Variants in RB1 observed in about 807,000 individuals in gnomAD.
The protein encoded by RB1 is retinoblastoma-associated protein.
In RB1, 18 loss-of-function variants were observed where a neutral mutation model predicts 135.4. The observed-to-expected ratio is 0.13, with a 90% CI of 0.09 to 0.20. The LOEUF is 0.20. Among genes scored for constraint, RB1 ranks in the 10% least tolerant of loss-of-function variants. RB1 has a pLI of 1.00. For missense variants in RB1, 868 were observed against 1,110.0 expected (o/e 0.78, Z 3.10); for synonymous variants, 365 against 373.2 (o/e 0.98, Z 0.25).
intron 26 of RB1, 59 bp from the exon 27 acceptor site, chr13:48,479,939 C>A (rs1949527598): frequency 1.2e-5 from 17 of 1,382,812 alleles, no homozygotes; most frequent in Non-Finnish European, 1.7e-5. Flanking sequence ...ATATGGCAGC[C>A]ACTTGCCAAC....
intron 17 of RB1, among the ~76,000 whole-genome samples, chr13:48,450,428 C>T (rs527590004): frequency 1.3e-5 from 2 of 152,052 alleles, no homozygotes; most frequent in Non-Finnish European, 1.5e-5. Context: ...AATGCTTTCT[C>T]CATTGCTTGT....
chr13:48,330,713 A>G (rs570076540), intron 2 of RB1, among the ~76,000 whole-genome samples: 1 of 152,332 alleles, frequency 6.6e-6, no homozygotes, highest in South Asian at 2.1e-4. Flanking sequence ...TTCACTGGTG[A>G]ATTCTACCAG....
intron 2 of RB1, among the ~76,000 whole-genome samples, chr13:48,311,070 C>T (rs962491078): frequency 6.6e-6 from 1 of 152,050 alleles, no homozygotes; most frequent in Non-Finnish European, 1.5e-5. Context: ...TGCCTTGGAC[C>T]TCAAGGCAGG....
intron 17 of RB1, among the ~76,000 whole-genome samples, chr13:48,414,997 T>G (rs1405314971): frequency 6.6e-6 from 1 of 152,172 alleles, no homozygotes; most frequent in Non-Finnish European, 1.5e-5. Flanking sequence ...ACTGTTATTT[T>G]TTTTTTATTT....
intron 17 of RB1, chr13:48,391,306 C>G (rs1161057711): frequency 6.6e-6 from 1 of 152,176 alleles, no homozygotes; most frequent in Non-Finnish European, 1.5e-5. Context: ...ATAAGCTCTA[C>G]AATACACTCA....
intron 2 of RB1, chr13:48,317,071 T>G: frequency 2.5e-6 from 2 of 791,140 alleles, no homozygotes; most frequent in Non-Finnish European, 3.6e-6. Context: ...GCCTTGCTGC[T>G]TGGCCAGGGC....
chr13:48,342,210 G>A (rs757321546), intron 2 of RB1, among the ~76,000 whole-genome samples: 27 of 151,744 alleles, frequency 1.8e-4, no homozygotes, highest in African/African-American at 4.1e-4. Context: ...AAGAATAAGC[G>A]AATAAGAACG....
At chr13:48,313,397 T>C (rs1020129789) in intron 2 of RB1, among the ~76,000 whole-genome samples, 1 of 151,906 alleles carries the variant, frequency 6.6e-6, no homozygotes, top group Non-Finnish European at 1.5e-5. Flanking sequence ...GGTTTTTTTT[T>C]TGGTTGCTTG....
Position 48,319,251 on chromosome 13 carries a change from CT to C in RB1, c.264+11851del. On this transcript the variant is annotated intron_variant, in intron 2 of 26. Coordinates refer to ENST00000267163, the MANE Select transcript of RB1 (RefSeq NM_000321.3). This position sits in a 1 kb window ranked among gnomAD's most constrained non-coding sequence, Gnocchi z 5.0. Reference sequence around the variant, plus strand: ...TTTCCTGTGGGTCTCGCGCAAGGCACTTTTTTGTGGCGCTGCTTGTGCTGTG... The same window carrying C: ...TTTCCTGTGGGTCTCGCGCAAGGCACTTTTTGTGGCGCTGCTTGTGCTGTG... The C allele has an allele frequency of 1.6e-5, 13 of 815,052 alleles. No homozygotes were observed. Among genetic ancestry groups the C allele is most frequent in the Non-Finnish European group, 2.0e-5 (11 of 541,578 alleles). 50.5% of individuals were successfully genotyped at this position (815,052 alleles called of 1,614,324 possible).
intron 17 of RB1, among the ~76,000 whole-genome samples, chr13:48,396,519 C>G (rs1052937594): frequency 6.6e-6 from 1 of 152,044 alleles, no homozygotes; most frequent in African/African-American, 2.4e-5. Context: ...AAGACTTAAA[C>G]ATAACACCTA....
chr13:48,411,221 C>T lies in RB1; in HGVS notation c.1695+29778C>T, dbSNP rs947546709. ...ATGGAGTGGATACACAAATAAAATA[C>T]ATGTTAATGCTTAACACATTGAATA... is the stretch of plus-strand genomic sequence containing the variant. On this transcript the variant is annotated intron_variant, in intron 17 of 26. Coordinates refer to ENST00000267163, the MANE Select transcript of RB1 (RefSeq NM_000321.3). The T allele has an allele frequency of 1.1e-4, 61 of 579,146 alleles. No homozygotes were observed. In the South Asian group the frequency reaches 1.1e-3, roughly 10 times the overall value. 35.9% of individuals were successfully genotyped at this position (579,146 alleles called of 1,614,324 possible).
At chr13:48,366,117 A>G (rs544157579) in intron 9 of RB1, among the ~76,000 whole-genome samples, 244 of 152,304 alleles carry the variant, frequency 1.6e-3, no homozygotes, top group African/African-American at 5.5e-3. Context: ...GGGCAGAACA[A>G]TTAAAATATG....
Position 48,367,556 on chromosome 13 carries a change from A to T in RB1, c.1002A>T (p.Arg334Ser). Residue 334 changes from arginine to serine, a missense_variant, in exon 10 of 27, where the codon AGA (arginine) becomes AGT (serine). Coordinates refer to ENST00000267163, the MANE Select transcript of RB1 (RefSeq NM_000321.3). ...TTAAAAATAAAGATCTAGATGCAAG[A>T]TTATTTTTGGATCATGATAAAACTC... is the stretch of plus-strand genomic sequence containing the variant. ...IYLKNKDLDARLFLDHDKTLQ... is the reference protein window; with the variant it reads ...IYLKNKDLDASLFLDHDKTLQ... The T allele has an allele frequency of 6.2e-7, 1 of 1,605,006 alleles. No individual in the cohort carries two copies. The highest frequency in any genetic ancestry group is 8.5e-7 in the Non-Finnish European group (1 of 1,174,376).
chr13:48,341,236 ATTG>A (rs2138081616), intron 2 of RB1: 1 of 152,106 alleles, frequency 6.6e-6, no homozygotes, highest in Non-Finnish European at 1.5e-5. Flanking sequence ...ATTTATCTAT[ATTG>A]TTATATATAT....
chr13:48,385,719 C>G (rs528796927), intron 17 of RB1, among the ~76,000 whole-genome samples: 1 of 152,148 alleles, frequency 6.6e-6, no homozygotes, highest in Non-Finnish European at 1.5e-5. Context: ...TGAACTGAAA[C>G]TGGAGTTGCT....
intron 20 of RB1, 110 bp from the exon 21 acceptor site, chr13:48,463,621 C>A: frequency 1.4e-6 from 1 of 737,212 alleles, no homozygotes; most frequent in Non-Finnish European, 2.4e-6. Context: ...AGAAATAACT[C>A]TGTAGATTAA....
intron 2 of RB1, among the ~76,000 whole-genome samples, chr13:48,332,161 T>G (rs1014229421): frequency 2.0e-5 from 3 of 152,216 alleles, no homozygotes; most frequent in South Asian, 2.1e-4. Context: ...CTCATTTATA[T>G]GTAAAATCTT....
chr13:48,405,191 T>C (rs1402056111), intron 17 of RB1, among the ~76,000 whole-genome samples: 1 of 152,168 alleles, frequency 6.6e-6, no homozygotes, highest in African/African-American at 2.4e-5. Context: ...TTGTTCCACA[T>C]GAGAAATCAG....
At chr13:48,421,752 C>T (rs902219036) in intron 17 of RB1, among the ~76,000 whole-genome samples, 2 of 152,108 alleles carry the variant, frequency 1.3e-5, no homozygotes, top group African/African-American at 2.4e-5. Context: ...ATGTGGCCAA[C>T]AAGCATATGA....
Sources: allele counts gnomAD v4.1 joint callset (sites outside exome capture counted in the v4.1 genomes callset), GRCh38; gene constraint gnomAD v4.1.1; non-coding constraint Gnocchi (gnomAD v3.1); transcripts MANE v1.5; gene names NCBI Gene and HGNC (gene_info 2026-07-23, HGNC 2026-07-21).